The following USP32 variants were observed in gnomAD, a reference collection of about 807,000 sequenced individuals.
USP32 encodes ubiquitin specific peptidase 32.
Under a neutral mutation model 204.8 loss-of-function variants are expected in USP32, and 59 were observed. The observed-to-expected ratio is 0.29, with a 90% CI of 0.23 to 0.36. USP32 has a LOEUF of 0.36. Among genes scored for constraint, USP32 ranks in the 10% least tolerant of loss-of-function variants. USP32 has a pLI of 1.00. For synonymous variants in USP32, 517 were observed against 678.4 expected (o/e 0.76, Z 3.70); for missense variants, 1,160 against 1,946.4 (o/e 0.60, Z 7.60).
chr17:60,203,354 T>G (rs2084730605), intron 26 of USP32, among the ~76,000 whole-genome samples: 1 of 121,406 alleles, frequency 8.2e-6, no homozygotes, highest in Admixed American at 1.1e-4. Flanking sequence ...TGAGTGGAGA[T>G]CACGCCACTG....
At chr17:60,323,499 G>A (rs1271852397) in intron 2 of USP32, among the ~76,000 whole-genome samples, 1 of 152,164 alleles carries the variant, frequency 6.6e-6, no homozygotes. Context: ...GACTGTTAAA[G>A]TAAGGTTTCT....
At chr17:60,268,263 C>T (rs2086643479) in intron 7 of USP32, among the ~76,000 whole-genome samples, 1 of 151,978 alleles carries the variant, frequency 6.6e-6, no homozygotes. Flanking sequence ...TTTAAGACAA[C>T]AATTAACTTT....
At chr17:60,418,125 A>G (rs887958374) in intron 1 of USP32, among the ~76,000 whole-genome samples, 1 of 151,672 alleles carries the variant, frequency 6.6e-6, no homozygotes, top group African/African-American at 2.4e-5. Context: ...CGCCCAGCTA[A>G]TTTTGTATTT....
exon 1 of USP32, chr17:60,422,335 C>A (rs1424314521): frequency 2.4e-6 from 2 of 828,030 alleles, no homozygotes; most frequent in African/African-American, 1.8e-5. Context: ...CCAAAGTCTT[C>A]GCTCGACCCC....
At chr17:60,226,290 C>G in intron 12 of USP32, 59 bp from the exon 13 acceptor site, 1 of 1,400,356 alleles carries the variant, frequency 7.1e-7, no homozygotes, top group Non-Finnish European at 9.5e-7. Context: ...ACTATGTAGT[C>G]TTCAGAAACA....
At chr17:60,245,357 C>T in intron 11 of USP32, 1 of 390,834 alleles carries the variant, frequency 2.6e-6, no homozygotes, top group South Asian at 2.1e-5. Context: ...GCTCTTTCCA[C>T]AATGTCTTTG....
chr17:60,376,688 T>C (rs1355645125), intron 1 of USP32, among the ~76,000 whole-genome samples: 1 of 151,960 alleles, frequency 6.6e-6, no homozygotes. Flanking sequence ...CACGCCCAGC[T>C]AATTTTTGTA....
At chr17:60,325,403 G>A (rs765784817) in intron 2 of USP32, among the ~76,000 whole-genome samples, 42 of 151,956 alleles carry the variant, frequency 2.8e-4, no homozygotes, top group African/African-American at 8.2e-4. Flanking sequence ...GGGTGACAGC[G>A]CAAGACCCTG....
At position 60,291,748 on chromosome 17, in the gene USP32, G is replaced by A. The variant is rs118119096; in HGVS notation, c.411+2935C>T. Among the ~76,000 whole-genome samples the A allele has an allele frequency of 2.2e-3, 339 of 152,154 alleles. 6 individuals are homozygous for A. The highest frequency in any genetic ancestry group is 0.019 in the East Asian group (98 of 5,184). The stretch of plus-strand genomic sequence containing the variant: ...TACCAATAGCCCATTTACAATGTTG[G>A]TTTTATACCAACTAGAGGTATCTAA... On this transcript the variant is annotated intron_variant, in intron 4 of 33. Coordinates refer to ENST00000300896, the MANE Select transcript of USP32 (RefSeq NM_032582.4).
intron 2 of USP32, among the ~76,000 whole-genome samples, chr17:60,319,691 G>A (rs1425499211): frequency 2.6e-5 from 4 of 152,068 alleles, no homozygotes; most frequent in Admixed American, 2.6e-4. Context: ...GAGGTAGGAG[G>A]ATTGCTTGAG....
At chr17:60,241,090 C>A (rs966357102) in intron 11 of USP32, among the ~76,000 whole-genome samples, 1 of 152,166 alleles carries the variant, frequency 6.6e-6, no homozygotes, top group African/African-American at 2.4e-5. Flanking sequence ...CTCTGCCTCT[C>A]GGGTTCAAGC....
At chr17:60,404,248 A>C (rs976683159) in intron 1 of USP32, among the ~76,000 whole-genome samples, 9 of 152,178 alleles carry the variant, frequency 5.9e-5, no homozygotes, top group African/African-American at 2.2e-4. Flanking sequence ...GCAAATAATA[A>C]AGCAAATTGA....
intron 5 of USP32, among the ~76,000 whole-genome samples, chr17:60,284,021 TG>T (rs909947671): frequency 4.6e-5 from 7 of 152,078 alleles, no homozygotes; most frequent in Non-Finnish European, 1.5e-5. Flanking sequence ...GAAACTACAA[TG>T]TTTCAAAAGC....
At chr17:60,408,012 T>A (rs1455946745) in intron 1 of USP32, among the ~76,000 whole-genome samples, 1 of 151,760 alleles carries the variant, frequency 6.6e-6, no homozygotes, top group East Asian at 2.0e-4. Context: ...GCAGGATAAT[T>A]GCTTGAACCT....
At chr17:60,377,676 G>A (rs940167004) in intron 1 of USP32, among the ~76,000 whole-genome samples, 14 of 152,090 alleles carry the variant, frequency 9.2e-5, no homozygotes, top group African/African-American at 2.9e-4. Flanking sequence ...TGACTCTTCC[G>A]TGTTTTCATC....
In USP32 at chr17:60,335,129, C is replaced by T. The variant is rs757856104; in HGVS notation, c.186+10352G>A. On this transcript the variant is annotated intron_variant, in intron 2 of 33. Coordinates refer to ENST00000300896, the MANE Select transcript of USP32 (RefSeq NM_032582.4). ...TAGCTGAGACTACAGGCGTGCAAGA[C>T]ACCCAGCTAATTTTTTTTATTTTTT... 3.4e-4 allele frequency among the ~76,000 whole-genome samples: 49 copies of T among 142,082 alleles called. 2 individuals carry two copies. The highest frequency in any genetic ancestry group is 3.3e-3 in the Middle Eastern group (1 of 306). The allele number at this position is 142,082 out of a possible 152,430, so 93.2% of individuals were successfully genotyped here. A position where few individuals can be genotyped will look rare whatever the true frequency, so the allele number is the denominator to read the frequency against.
At chr17:60,195,630 A>T (rs757928692) in intron 27 of USP32, among the ~76,000 whole-genome samples, 1 of 152,144 alleles carries the variant, frequency 6.6e-6, no homozygotes, top group Admixed American at 6.6e-5. Flanking sequence ...GAGCCACTGC[A>T]CCCAGCCTCA....
rs1452345464 is a variant in USP32 at position 60,301,626 on chromosome 17, T to C, written c.265A>G (p.Arg89Gly). 1 of 1,593,670 alleles carries C rather than the reference T, an allele frequency of 6.3e-7. No homozygotes were observed. Among genetic ancestry groups the C allele is most frequent in the Non-Finnish European group, 8.5e-7 (1 of 1,174,954 alleles). Residue 89 changes from arginine to glycine, a missense_variant, in exon 3 of 34, where the codon AGA (arginine) becomes GGA (glycine). Around this residue, in one of 8 missense-constraint regions of USP32, gnomAD observed 536 missense variants for 680.9 expected, o/e 0.79. Transcript: ENST00000300896. ...NLIVGLVLLT[R>G]GKDEEKAKYI... is the part of the protein sequence containing the mutation. ...TTTGCTTTCTCTTCATCTTTGCCTC[T>C]TGTAAGGAGGACAAGTCCAACTATT... is the stretch of plus-strand genomic sequence containing the variant.
At chr17:60,289,507 A>C (rs2087215327) in intron 4 of USP32, among the ~76,000 whole-genome samples, 1 of 152,262 alleles carries the variant, frequency 6.6e-6, no homozygotes, top group African/African-American at 2.4e-5. Flanking sequence ...CCCAGAAGGC[A>C]TCACTGAAAA....
Sources: allele counts gnomAD v4.1 joint callset (sites outside exome capture counted in the v4.1 genomes callset), GRCh38; gene constraint gnomAD v4.1.1; regional missense constraint gnomAD v4.1.1; transcripts MANE v1.5; gene names NCBI Gene and HGNC (gene_info 2026-07-23, HGNC 2026-07-21).